AK9: variants seen among roughly 807,000 people sequenced by gnomAD.
AK9 encodes adenylate kinase 9.
In AK9, 191 loss-of-function variants were observed where a neutral mutation model predicts 239.6. That is an observed-to-expected ratio of 0.80 (90% CI 0.71 to 0.90). AK9 has a LOEUF of 0.90. Among genes scored for constraint, AK9 ranks in the 40% least tolerant of loss-of-function variants. The pLI is 0.00. For missense variants in AK9, 1,995 were observed against 2,214.7 expected (o/e 0.90, Z 1.99); for synonymous variants, 689 against 721.0 (o/e 0.96, Z 0.71).
At chr6:109,683,362 C>T (rs924149094) in intron 1 of AK9, among the ~76,000 whole-genome samples, 28 of 152,176 alleles carry the variant, frequency 1.8e-4, no homozygotes, top group Non-Finnish European at 1.2e-4. Context: ...CCACTCTCAC[C>T]ACTCCTATTC....
intron 5 of AK9, among the ~76,000 whole-genome samples, chr6:109,663,128 C>G (rs1451842062): frequency 6.6e-6 from 1 of 151,990 alleles, no homozygotes; most frequent in African/African-American, 2.4e-5. Context: ...CCCATGGACA[C>G]ACTATAATTT....
At chr6:109,653,280 G>A (rs1799230213) in intron 8 of AK9, among the ~76,000 whole-genome samples, 1 of 152,100 alleles carries the variant, frequency 6.6e-6, no homozygotes, top group African/African-American at 2.4e-5. Flanking sequence ...TTTTCCAAAG[G>A]TGGTGGCAAT....
intron 21 of AK9, among the ~76,000 whole-genome samples, chr6:109,567,939 T>A (rs1486035800): frequency 2.7e-5 from 4 of 148,802 alleles, no homozygotes; most frequent in African/African-American, 9.9e-5. Context: ...AAGGCCAACA[T>A]CATCCTGATA....
At chr6:109,549,885 C>T (rs1784142512) in intron 25 of AK9, 1 of 434,450 alleles carries the variant, frequency 2.3e-6, no homozygotes, top group East Asian at 4.7e-5. Flanking sequence ...AGGATGGTCT[C>T]GATCTCCTGA....
At chr6:109,589,866 T>C (rs1789992720) in intron 17 of AK9, among the ~76,000 whole-genome samples, 1 of 152,188 alleles carries the variant, frequency 6.6e-6, no homozygotes, top group African/African-American at 2.4e-5. Context: ...GTGAATCACA[T>C]TTATTGATTT....
chr6:109,516,406 A>C, intron 30 of AK9, 24 bp downstream of exon 30: 1 of 1,528,838 alleles, frequency 6.5e-7, no homozygotes, highest in Non-Finnish European at 8.8e-7. Flanking sequence ...TTTGAATTAT[A>C]AAAAGCAAAG....
chr6:109,510,896 C>T (rs184608261), intron 32 of AK9, among the ~76,000 whole-genome samples: 85 of 152,294 alleles, frequency 5.6e-4, no homozygotes, highest in African/African-American at 1.9e-3. Flanking sequence ...TAGTTTTAGA[C>T]TCTGGCTAAT....
intron 1 of AK9, among the ~76,000 whole-genome samples, chr6:109,686,001 C>G (rs1282205264): frequency 6.6e-6 from 1 of 152,196 alleles, no homozygotes; most frequent in Non-Finnish European, 1.5e-5. Context: ...TAGATAGACA[C>G]AGTCTCTTGT....
rs1789471254 is a variant in AK9, at chr6:109,586,083, T to C, written c.1843-11A>G. 10 of 1,547,556 alleles carry C rather than the reference T, an allele frequency of 6.5e-6. No homozygotes were observed. Among genetic ancestry groups the C allele is most frequent in the Non-Finnish European group, 8.7e-6 (10 of 1,145,498 alleles). ...GTTTTCTTCCATTACCTGTGAAAAATTGTACACTGATATTACTATCATAGC... is the reference window on the plus strand; with the variant it reads ...GTTTTCTTCCATTACCTGTGAAAAACTGTACACTGATATTACTATCATAGC... On this transcript the variant is annotated splice_polypyrimidine_tract_variant and intron_variant, in intron 17 of 40. Coordinates refer to ENST00000424296, the MANE Select transcript of AK9 (RefSeq NM_001145128.3).
chr6:109,658,573 T>C (rs1335926323), intron 7 of AK9, among the ~76,000 whole-genome samples: 1 of 152,134 alleles, frequency 6.6e-6, no homozygotes, highest in African/African-American at 2.4e-5. Context: ...AAATGTAAAA[T>C]ACATACCAGA....
intron 27 of AK9, among the ~76,000 whole-genome samples, chr6:109,534,560 G>A (rs767197086): frequency 4.7e-5 from 7 of 150,378 alleles, no homozygotes; most frequent in Non-Finnish European, 1.0e-4. Flanking sequence ...TCCTTTCTTA[G>A]TAAGGAAGCA....
rs55899214 is a variant in AK9 at position 109,547,846 on chromosome 6, CAAA to C, written c.2965-1722_2965-1720del. Among the ~76,000 whole-genome samples, 496 of 121,794 alleles carry C rather than the reference CAAA, an allele frequency of 4.1e-3. 6 individuals are homozygous for C. The East Asian group carries it at 0.041, about 10-fold the overall frequency. The allele number at this position is 121,794 out of a possible 152,430, so 79.9% of individuals were successfully genotyped here. ...ATAAAGAACTCAAACAGCTCAGTAGCAAAAAAAAAAAAAAAAAAACCCAAATAT... is the reference window on the plus strand; with the variant it reads ...ATAAAGAACTCAAACAGCTCAGTAGCAAAAAAAAAAAAAAAACCCAAATAT... On this transcript the variant is annotated intron_variant, in intron 25 of 40. Transcript: ENST00000424296.
chr6:109,625,916 A>ATT (rs141396859), intron 12 of AK9, among the ~76,000 whole-genome samples: 38 of 149,954 alleles, frequency 2.5e-4, no homozygotes, highest in East Asian at 3.9e-4. Context: ...ATCTTCAAGT[A>ATT]TTTTTTTTTT....
chr6:109,497,360 ACACT>A (rs1312808724), intron 38 of AK9, 101 bp downstream of exon 38: 126 of 557,528 alleles, frequency 2.3e-4, no homozygotes, highest in African/African-American at 7.5e-4. Context: ...ACACACACAC[ACACT>A]CTCTCTCTCT....
intron 21 of AK9, among the ~76,000 whole-genome samples, chr6:109,566,311 G>A (rs1386201907): frequency 6.6e-6 from 1 of 152,066 alleles, no homozygotes; most frequent in Non-Finnish European, 1.5e-5. Context: ...AAATGCAAGA[G>A]TTGGATATAT....
intron 10 of AK9, among the ~76,000 whole-genome samples, chr6:109,636,221 C>T (rs985368030): frequency 6.6e-6 from 1 of 152,118 alleles, no homozygotes; most frequent in Non-Finnish European, 1.5e-5. Context: ...CACAGCCCCT[C>T]CTCTCCTGCA....
intron 8 of AK9, among the ~76,000 whole-genome samples, chr6:109,654,000 A>C (rs1799343198): frequency 1.1e-5 from 1 of 90,954 alleles, no homozygotes; most frequent in African/African-American, 3.0e-5. Flanking sequence ...GGGATGGCTG[A>C]GAAGACCCAC....
chr6:109,603,170 T>G (rs1792296367), intron 17 of AK9, among the ~76,000 whole-genome samples: 2 of 152,214 alleles, frequency 1.3e-5, no homozygotes, highest in African/African-American at 2.4e-5. Flanking sequence ...ATTTTCAGTT[T>G]TTCTGCTCTG....
intron 2 of AK9, 98 bp from the exon 3 acceptor site, chr6:109,674,359 ACAT>A (rs1771391601): frequency 1.3e-6 from 1 of 764,104 alleles, no homozygotes; most frequent in Admixed American, 3.3e-5. Context: ...AGTTACTATT[ACAT>A]CAATGTTATA....
Sources: gnomAD v4.1 joint callset for allele counts (sites outside exome capture counted in the v4.1 genomes callset) on GRCh38, gnomAD v4.1.1 for gene constraint, MANE v1.5 for transcripts, NCBI Gene and HGNC (gene_info 2026-07-23, HGNC 2026-07-21) for gene names.